The following BCAS3 variants were observed in gnomAD, a reference collection of about 807,000 sequenced individuals.
The protein encoded by BCAS3 is BCAS3 microtubule associated cell migration factor.
BCAS3 carries 53 observed loss-of-function variants against 116.1 expected under a neutral mutation model. The observed-to-expected ratio is 0.46, with a 90% CI of 0.37 to 0.57. BCAS3 has a LOEUF of 0.57. BCAS3 is among the 20% of genes least tolerant of loss of function. BCAS3 has a pLI of 0.00. For missense variants in BCAS3, 917 were observed against 1,165.4 expected (o/e 0.79, Z 3.10); for synonymous variants, 391 against 408.2 (o/e 0.96, Z 0.51).
intron 19 of BCAS3, among the ~76,000 whole-genome samples, chr17:61,046,665 C>T (rs544908676): frequency 4.0e-5 from 6 of 150,666 alleles, no homozygotes; most frequent in Admixed American, 2.0e-4. Context: ...TTTTTTTTCA[C>T]AGAATATTTT....
chr17:60,896,668 G>C (rs771996625), intron 10 of BCAS3, among the ~76,000 whole-genome samples: 23 of 147,648 alleles, frequency 1.6e-4, no homozygotes, highest in Non-Finnish European at 2.8e-4. Flanking sequence ...GTTTCCATTT[G>C]TGTGGAATAT....
At chr17:61,314,168 C>T (rs892606069) in intron 22 of BCAS3, among the ~76,000 whole-genome samples, 1 of 152,182 alleles carries the variant, frequency 6.6e-6, no homozygotes, top group Non-Finnish European at 1.5e-5. Flanking sequence ...CTTGTCAGTT[C>T]GTGGCAGGGA....
intron 6 of BCAS3, among the ~76,000 whole-genome samples, chr17:60,762,939 G>A (rs1208310140): frequency 6.6e-6 from 1 of 151,886 alleles, no homozygotes; most frequent in Non-Finnish European, 1.5e-5. Context: ...GGATTCCTAG[G>A]TATTTTATTC....
chr17:60,986,246 G>A (rs909850658), intron 14 of BCAS3, among the ~76,000 whole-genome samples: 3 of 152,160 alleles, frequency 2.0e-5, no homozygotes, highest in Admixed American at 2.0e-4. Flanking sequence ...ATCTGTTGAT[G>A]GGTCCTTAGG....
rs999065204 is a variant in BCAS3 at position 61,261,314 on chromosome 17, C to T, written c.2426-107013C>T. ...ATCCTGCCTCCCAGTCTTAGCTGGGCGAGGGACAGTTAAGTAAAAAGAGTT... is the reference window on the plus strand; with the variant it reads ...ATCCTGCCTCCCAGTCTTAGCTGGGTGAGGGACAGTTAAGTAAAAAGAGTT... On this transcript the variant is annotated intron_variant, in intron 22 of 23. Coordinates refer to ENST00000407086, the MANE Select transcript of BCAS3 (RefSeq NM_017679.5). The surrounding 1 kb of genome is among the most constrained non-coding windows in gnomAD (Gnocchi z 4.4). 2.0e-5 allele frequency among the ~76,000 whole-genome samples: 3 copies of T among 152,142 alleles called. No homozygotes were observed. The highest frequency in any genetic ancestry group is 2.9e-5 in the Non-Finnish European group (2 of 68,024).
Position 61,339,095 on chromosome 17 carries a change from A to G in BCAS3, c.2426-29232A>G, listed in dbSNP as rs1484405881. 2.6e-5 allele frequency among the ~76,000 whole-genome samples: 4 copies of G among 151,840 alleles called. No homozygotes were observed. The highest frequency in any genetic ancestry group is 2.1e-4 in the South Asian group (1 of 4,820). The stretch of plus-strand genomic sequence containing the variant: ...ATTTTCTCATGTTCTTTTGGACTCT[A>G]TTACTCAATCAGTGACATGTGACCC... On this transcript the variant is annotated intron_variant, in intron 22 of 23. Transcript: ENST00000407086. This position sits in a 1 kb window ranked among gnomAD's most constrained non-coding sequence, Gnocchi z 4.4.
rs750364399 is a variant in BCAS3, at chr17:61,315,224, C to G, written c.2426-53103C>G. On this transcript the variant is annotated intron_variant, in intron 22 of 23. Transcript: ENST00000407086. The surrounding 1 kb of genome is among the most constrained non-coding windows in gnomAD (Gnocchi z 5.3). The stretch of plus-strand genomic sequence containing the variant: ...TCCGCCTCCAGGTTAAAGCAATTCT[C>G]GTGTCTCAGCCTCCCAAGTAGCTGG... 6.6e-6 allele frequency among the ~76,000 whole-genome samples: 1 copy of G among 152,128 alleles called. No homozygotes were observed. The highest frequency in any genetic ancestry group is 1.5e-5 in the Non-Finnish European group (1 of 68,034).
At chr17:60,860,695 A>G (rs1469914587) in intron 7 of BCAS3, among the ~76,000 whole-genome samples, 1 of 152,162 alleles carries the variant, frequency 6.6e-6, no homozygotes, top group Non-Finnish European at 1.5e-5. Context: ...CCCAGTTTCA[A>G]TCTCCTGCAT....
chr17:61,207,998 C>G (rs1450330125), intron 22 of BCAS3, among the ~76,000 whole-genome samples: 1 of 152,074 alleles, frequency 6.6e-6, no homozygotes, highest in East Asian at 1.9e-4. Context: ...GGGAAAATTA[C>G]TATTAGTCTT....
chr17:60,764,654 G>A (rs1354119509), intron 6 of BCAS3, among the ~76,000 whole-genome samples: 1 of 152,190 alleles, frequency 6.6e-6, no homozygotes, highest in Non-Finnish European at 1.5e-5. Flanking sequence ...ATGTGGTGCT[G>A]AGAACAATGT....
At position 60,795,994 on chromosome 17, in the gene BCAS3, T is replaced by C. The variant is rs2047184182; in HGVS notation, c.404-12010T>C. Reference sequence around the variant, plus strand: ...TGTGAGCCACCACTCCCTGCCGTGATTTTTGTTTTTAATTTGGTCTATGTG... The same window carrying C: ...TGTGAGCCACCACTCCCTGCCGTGACTTTTGTTTTTAATTTGGTCTATGTG... On this transcript the variant is annotated intron_variant, in intron 6 of 23. Coordinates refer to ENST00000407086, the MANE Select transcript of BCAS3 (RefSeq NM_017679.5). Among the ~76,000 whole-genome samples the C allele has an allele frequency of 2.6e-5, 4 of 152,230 alleles. No individual in the cohort carries two copies. The South Asian group carries it at 8.3e-4, about 32-fold the overall frequency.
Position 61,196,550 on chromosome 17 carries a change from G to A in BCAS3, c.2425+111986G>A, listed in dbSNP as rs1354784499. Among the ~76,000 whole-genome samples, 1 of 152,208 alleles carries A rather than the reference G, an allele frequency of 6.6e-6. No individual in the cohort carries two copies. Among genetic ancestry groups the A allele is most frequent in the Non-Finnish European group, 1.5e-5 (1 of 68,028 alleles). On this transcript the variant is annotated intron_variant, in intron 22 of 23. Transcript: ENST00000407086. This position sits in a 1 kb window ranked among gnomAD's most constrained non-coding sequence, Gnocchi z 4.7. ...TGGGAAGGGTTGGAAGTAGCCCCAA[G>A]GCTGGTTAGTCCCCTTCCAGATGGG... is the stretch of plus-strand genomic sequence containing the variant.
intron 19 of BCAS3, among the ~76,000 whole-genome samples, chr17:61,046,839 G>A (rs117393515): frequency 0.021 from 3,186 of 151,754 alleles, 95 homozygotes; most frequent in Non-Finnish European, 0.032. Flanking sequence ...TACAAACTCC[G>A]GAAATTATAA....
chr17:61,161,898 T>C lies in BCAS3; in HGVS notation c.2425+77334T>C, dbSNP rs9905761. ...CTGGACAAAGATGAGCAGCACGGAT[T>C]TGCTGCGATGGTCAGAATTCAATTA... On this transcript the variant is annotated intron_variant, in intron 22 of 23. Coordinates refer to ENST00000407086, the MANE Select transcript of BCAS3 (RefSeq NM_017679.5). The surrounding 1 kb of genome is among the most constrained non-coding windows in gnomAD (Gnocchi z 4.8). Among the ~76,000 whole-genome samples, 112,722 of 152,072 alleles carry C rather than the reference T, an allele frequency of 0.74. 42,707 individuals carry two copies. Among genetic ancestry groups the C allele is most frequent in the South Asian group, 0.9 (4,333 of 4,834 alleles).
intron 22 of BCAS3, among the ~76,000 whole-genome samples, chr17:61,210,179 AT>A (rs1388549908): frequency 6.6e-6 from 1 of 152,210 alleles, no homozygotes; most frequent in African/African-American, 2.4e-5. Context: ...GAAGATTAAA[AT>A]TTATCCATAT....
intron 19 of BCAS3, among the ~76,000 whole-genome samples, chr17:61,072,830 C>T (rs1600991999): frequency 6.6e-6 from 1 of 152,168 alleles, no homozygotes; most frequent in East Asian, 1.9e-4. Flanking sequence ...TTTATGTTTA[C>T]ATCTCAAAAT....
rs1230223720 is a variant in BCAS3, at chr17:61,188,355, A to G, written c.2425+103791A>G. On this transcript the variant is annotated intron_variant, in intron 22 of 23. Transcript: ENST00000407086. The surrounding 1 kb of genome is among the most constrained non-coding windows in gnomAD (Gnocchi z 4.0). ...TTCATCAGTCATCTTTGAAATGTAAAGAGAGTGCTTGTATAATAAGAAGTG... is the reference window on the plus strand; with the variant it reads ...TTCATCAGTCATCTTTGAAATGTAAGGAGAGTGCTTGTATAATAAGAAGTG... 1.3e-5 allele frequency among the ~76,000 whole-genome samples: 2 copies of G among 152,244 alleles called. No homozygotes were observed. Among genetic ancestry groups the G allele is most frequent in the Non-Finnish European group, 2.9e-5 (2 of 68,038 alleles).
chr17:60,900,034 A>G (rs1205793131), intron 10 of BCAS3: 2 of 152,670 alleles, frequency 1.3e-5, no homozygotes, highest in South Asian at 2.1e-4. Context: ...TGGTGACCTC[A>G]TAGGAGTAGG....
intron 22 of BCAS3, among the ~76,000 whole-genome samples, chr17:61,167,876 T>C (rs2078609863): frequency 6.6e-6 from 1 of 152,216 alleles, no homozygotes; most frequent in Non-Finnish European, 1.5e-5. Flanking sequence ...TATTTTCTTT[T>C]TCTAGTCTCA....
Sources: gnomAD v4.1 joint callset for allele counts (sites outside exome capture counted in the v4.1 genomes callset) on GRCh38, gnomAD v4.1.1 for gene constraint, Gnocchi (gnomAD v3.1) non-coding constraint, MANE v1.5 for transcripts, NCBI Gene and HGNC (gene_info 2026-07-23, HGNC 2026-07-21) for gene names.